The following ROBO2 variants were observed in gnomAD, a reference collection of about 807,000 sequenced individuals.
The protein encoded by ROBO2 is roundabout guidance receptor 2, also known as roundabout homolog 2.
Under a neutral mutation model 160.8 loss-of-function variants are expected in ROBO2, and 53 were observed. The observed-to-expected ratio is 0.33, with a 90% CI of 0.26 to 0.41. The LOEUF (loss-of-function observed/expected upper bound fraction) is 0.41. Among genes scored for constraint, ROBO2 ranks in the 10% least tolerant of loss-of-function variants. The probability of loss-of-function intolerance (pLI) is 1.00; values close to 1 mark genes in which losing one functional copy is unlikely to be tolerated. For missense variants in ROBO2, 1,577 were observed against 1,722.4 expected, an observed-to-expected ratio of 0.92 and a Z score of 1.49; for synonymous variants, 664 against 611.7, an observed-to-expected ratio of 1.09 and a Z score of -1.26.
intron 2 of ROBO2, among the ~76,000 whole-genome samples, chr3:76,241,518 G>C (rs985953772): frequency 2.6e-5 from 4 of 152,134 alleles, no homozygotes; most frequent in South Asian, 4.1e-4. Flanking sequence ...TAAGCTTCGT[G>C]ACTGAAACTC....
chr3:76,729,640 T>TC (rs1553884329), intron 2 of ROBO2, among the ~76,000 whole-genome samples: 123 of 55,274 alleles, frequency 2.2e-3, no homozygotes, highest in African/African-American at 9.8e-3. Context: ...TCTCTCTCTC[T>TC]TTTTTTTTTT....
chr3:76,603,348 AAAAATATATAT>A (rs2087357965), intron 2 of ROBO2, among the ~76,000 whole-genome samples: 1 of 60,958 alleles, frequency 1.6e-5, no homozygotes, highest in African/African-American at 6.7e-5. Context: ...AAAAAAAAAA[AAAAATATATAT>A]ATATATATAT....
chr3:77,501,325 T>G (rs189847066), intron 5 of ROBO2, among the ~76,000 whole-genome samples: 83 of 152,328 alleles, frequency 5.4e-4, no homozygotes, highest in Middle Eastern at 3.4e-3. Flanking sequence ...AAAAGTTGTT[T>G]AATTAATTAT....
intron 2 of ROBO2, among the ~76,000 whole-genome samples, chr3:76,896,725 G>T (rs1334846671): frequency 6.6e-6 from 1 of 152,038 alleles, no homozygotes; most frequent in Non-Finnish European, 1.5e-5. Context: ...ATTGGTGACT[G>T]GGAGTTTATC....
intron 18 of ROBO2, among the ~76,000 whole-genome samples, chr3:77,595,549 G>C (rs1022043161): frequency 2.6e-5 from 4 of 152,100 alleles, no homozygotes; most frequent in African/African-American, 4.8e-5. Context: ...ACACATAATC[G>C]ATCACAAAGT....
chr3:77,403,435 TC>T (rs1163405586), intron 2 of ROBO2, among the ~76,000 whole-genome samples: 11 of 152,118 alleles, frequency 7.2e-5, no homozygotes, highest in Admixed American at 7.2e-4. Flanking sequence ...CTGTTTAGAG[TC>T]CATGTGTAAG....
intron 2 of ROBO2, among the ~76,000 whole-genome samples, chr3:77,206,031 A>G (rs2083405204): frequency 6.6e-6 from 1 of 151,796 alleles, no homozygotes; most frequent in African/African-American, 2.4e-5. Context: ...TTGTGTCTCC[A>G]TTTTCTGGTG....
At chr3:76,688,367 T>G (rs2092727699) in intron 2 of ROBO2, among the ~76,000 whole-genome samples, 1 of 151,974 alleles carries the variant, frequency 6.6e-6, no homozygotes, top group Non-Finnish European at 1.5e-5. Flanking sequence ...ACACAAGCCA[T>G]GCAAAGTAAT....
chr3:77,462,887 T>C (rs1269738008), intron 2 of ROBO2, among the ~76,000 whole-genome samples: 1 of 152,208 alleles, frequency 6.6e-6, no homozygotes, highest in East Asian at 1.9e-4. Context: ...AATTAAAGCA[T>C]ACAATGCATA....
chr3:76,558,966 T>C (rs1035882106), intron 2 of ROBO2, among the ~76,000 whole-genome samples: 2 of 152,126 alleles, frequency 1.3e-5, no homozygotes, highest in Non-Finnish European at 2.9e-5. Flanking sequence ...TAGCAAAATA[T>C]ATAAAATGTA....
chr3:76,371,040 C>T (rs755935287), intron 2 of ROBO2, among the ~76,000 whole-genome samples: 1 of 151,846 alleles, frequency 6.6e-6, no homozygotes, highest in Non-Finnish European at 1.5e-5. Flanking sequence ...TAATTAGACT[C>T]ATAGTCCCTG....
intron 2 of ROBO2, among the ~76,000 whole-genome samples, chr3:77,013,401 A>C (rs2062034034): frequency 6.6e-6 from 1 of 152,158 alleles, no homozygotes; most frequent in Admixed American, 6.5e-5. Flanking sequence ...TGTGGTTGTG[A>C]GGCAAAAAAG....
At chr3:75,966,448 G>A (rs1217596862) in intron 2 of ROBO2, among the ~76,000 whole-genome samples, 1 of 151,526 alleles carries the variant, frequency 6.6e-6, no homozygotes, top group Non-Finnish European at 1.5e-5. Flanking sequence ...TTTAATGCTG[G>A]CCTATTTTTC....
intron 2 of ROBO2, among the ~76,000 whole-genome samples, chr3:76,324,997 C>T (rs914842725): frequency 2.6e-5 from 4 of 152,030 alleles, no homozygotes; most frequent in African/African-American, 4.8e-5. Flanking sequence ...CCCAGCTACT[C>T]GGGAGGCTGA....
chr3:77,626,266 T>A (rs1354978259), intron 23 of ROBO2, among the ~76,000 whole-genome samples: 2 of 152,206 alleles, frequency 1.3e-5, no homozygotes, highest in Non-Finnish European at 2.9e-5. Flanking sequence ...AAGATCAAGA[T>A]ATTAATTTTA....
At chr3:76,178,440 A>G (rs914253037) in intron 2 of ROBO2, among the ~76,000 whole-genome samples, 3 of 152,194 alleles carry the variant, frequency 2.0e-5, no homozygotes, top group Non-Finnish European at 4.4e-5. Flanking sequence ...AATGTTAAGC[A>G]GGAGTTTATA....
At chr3:76,779,617 C>T (rs1057141595) in intron 2 of ROBO2, among the ~76,000 whole-genome samples, 2 of 150,952 alleles carry the variant, frequency 1.3e-5, no homozygotes, top group Non-Finnish European at 3.0e-5. Flanking sequence ...CTTTCTGCGT[C>T]TGGCTTATTT....
Position 77,411,662 on chromosome 3 carries a change from A to G in ROBO2, c.389-65752A>G, listed in dbSNP as rs138944869. 9.9e-4 allele frequency among the ~76,000 whole-genome samples: 151 copies of G among 152,348 alleles called. 1 individual carries two copies. The highest frequency in any genetic ancestry group is 3.5e-3 in the African/African-American group (145 of 41,578). On this transcript the variant is annotated intron_variant, in intron 2 of 25. Transcript: ENST00000461745. ...TTTTAAATAATTTGTGTAAAAATGG[A>G]GAAATGAATATATACACATGTATAT...
intron 2 of ROBO2, among the ~76,000 whole-genome samples, chr3:76,767,630 T>G (rs2061647237): frequency 6.6e-6 from 1 of 151,540 alleles, no homozygotes; most frequent in South Asian, 2.1e-4. Flanking sequence ...TAAAGAAAAG[T>G]GCATACAAAA....
Sources: allele counts gnomAD v4.1 joint callset (sites outside exome capture counted in the v4.1 genomes callset), GRCh38; gene constraint gnomAD v4.1.1; transcripts MANE v1.5; gene names NCBI Gene and HGNC (gene_info 2026-07-23, HGNC 2026-07-21).